Variants in MDH1B observed in about 807,000 individuals in gnomAD.
MDH1B encodes malate dehydrogenase 1B, also known as putative malate dehydrogenase 1B.
In MDH1B, 60 loss-of-function variants were observed where a neutral mutation model predicts 61.4. That is an observed-to-expected ratio of 0.98 (90% CI 0.79 to 1.21). MDH1B has a LOEUF of 1.21. MDH1B is among the 50% of genes most tolerant of loss of function. The probability of loss-of-function intolerance (pLI) is 0.00; values close to 1 mark genes in which losing one functional copy is unlikely to be tolerated. For missense variants in MDH1B, 587 were observed against 632.1 expected, an observed-to-expected ratio of 0.93 and a Z score of 0.76; for synonymous variants, 236 against 218.7, an observed-to-expected ratio of 1.08 and a Z score of -0.70.
At position 206,741,082 on chromosome 2, in the gene MDH1B, A is replaced by G; in HGVS notation, c.1431T>C (p.Asp477=). 4 of 1,613,022 alleles carry G rather than the reference A, an allele frequency of 2.5e-6. No individual in the cohort carries two copies. The highest frequency in any genetic ancestry group is 3.4e-6 in the Non-Finnish European group (4 of 1,179,384). The change falls in exon 10 of 12, where the codon GAT becomes GAC. Residue 477 remains aspartate, a synonymous_variant. Coordinates refer to ENST00000374412, the MANE Select transcript of MDH1B (RefSeq NM_001039845.3). ...CTGACATAGCTAGATTTTTTTCTTC[A>G]TCAGGGACCAGATCTTTATGTCCTG... ...YQSGHKDLVP[D]EEKNLAMSDA... is the part of the protein sequence containing the mutation.
At chr2:206,761,552 A>C (rs2105956733) in intron 1 of MDH1B, among the ~76,000 whole-genome samples, 1 of 152,322 alleles carries the variant, frequency 6.6e-6, no homozygotes, top group East Asian at 1.9e-4. Context: ...AGTCAAGTGC[A>C]GTTGGAGATA....
intron 5 of MDH1B, among the ~76,000 whole-genome samples, chr2:206,752,779 A>C (rs1334916235): frequency 7.7e-6 from 1 of 129,780 alleles, no homozygotes; most frequent in African/African-American, 3.1e-5. Flanking sequence ...CTTGGCATGA[A>C]TTTCCCCTCC....
In MDH1B at chr2:206,738,263, AT is replaced by A; in HGVS notation, c.*219del. 2.6e-6 allele frequency: 1 copy of A among 389,382 alleles called. No homozygotes were observed. The highest frequency in any genetic ancestry group is 4.6e-6 in the Non-Finnish European group (1 of 216,458). 24.1% of individuals were successfully genotyped at this position (389,382 alleles called of 1,614,324 possible). A position where few individuals can be genotyped will look rare whatever the true frequency, so the allele number is the denominator to read the frequency against. On this transcript the variant is annotated 3_prime_UTR_variant, in exon 12 of 12. Coordinates refer to ENST00000374412, the MANE Select transcript of MDH1B (RefSeq NM_001039845.3). ...TTGACACCAAAATAGTTCTAAGAAA[AT>A]GCAATTATTATGAAACAAACATGAG...
chr2:206,740,914 T>A, intron 10 of MDH1B, 140 bp downstream of exon 10: 1 of 1,170,000 alleles, frequency 8.5e-7, no homozygotes, highest in South Asian at 1.6e-5. Context: ...CATTTCAAAG[T>A]GTTTGTGAAG....
At chr2:206,763,923 C>G (rs1247301254) in intron 1 of MDH1B, among the ~76,000 whole-genome samples, 2 of 151,908 alleles carry the variant, frequency 1.3e-5, no homozygotes, top group Non-Finnish European at 2.9e-5. Context: ...CCTATAGAAC[C>G]CTGCCCTGTC....
chr2:206,749,096 A>G lies in MDH1B; in HGVS notation c.1140T>C (p.Ser380=). 1.2e-6 allele frequency: 2 copies of G among 1,614,086 alleles called. No homozygotes were observed. The highest frequency in any genetic ancestry group is 1.7e-6 in the Non-Finnish European group (2 of 1,179,926). The change falls in exon 7 of 12, where the codon AGT becomes AGC. Residue 380 remains serine (S), a synonymous_variant. Transcript: ENST00000374412. ...RQFGGILAAH[S]IATTLKYWYH... ...ACCAGTATTTCAGTGTAGTGGCTAT[A>G]CTGTGTGCAGCCAAAATGCCTCCAA...
chr2:206,753,868 C>T (rs7591658), intron 5 of MDH1B, among the ~76,000 whole-genome samples: 62,242 of 149,112 alleles, frequency 0.42, 13,517 homozygotes, highest in Non-Finnish European at 0.5. Context: ...CCCCAACCCC[C>T]CTCAACCCCA....
Position 206,759,634 on chromosome 2 carries a change from G to T in MDH1B, c.135+1267C>A, listed in dbSNP as rs11888576. On this transcript the variant is annotated intron_variant, in intron 2 of 11. Transcript: ENST00000374412. ...ACTTTTAAATAATAGTCATTCTGAC[G>T]GGTATGAGATGGAATCTTATTGTGG... is the stretch of plus-strand genomic sequence containing the variant. Among the ~76,000 whole-genome samples the T allele has an allele frequency of 5.9e-4, 89 of 152,090 alleles. 2 individuals are homozygous for T. In the East Asian group the frequency reaches 0.014, roughly 24 times the overall value.
Position 206,738,359 on chromosome 2 carries a change from T to G in MDH1B, c.*124A>C. ...GTCACAGTGATTTAATTGCCTTGCA[T>G]GGTATTATCTAAGACTGACATAAAT... On this transcript the variant is annotated 3_prime_UTR_variant, in exon 12 of 12. Coordinates refer to ENST00000374412, the MANE Select transcript of MDH1B (RefSeq NM_001039845.3). 1.6e-6 allele frequency: 1 copy of G among 638,774 alleles called. No individual in the cohort carries two copies. Among genetic ancestry groups the G allele is most frequent in the Non-Finnish European group, 2.5e-6 (1 of 402,262 alleles). 39.6% of individuals were successfully genotyped at this position (638,774 alleles called of 1,614,324 possible).
intron 2 of MDH1B, among the ~76,000 whole-genome samples, chr2:206,758,827 C>T (rs920625918): frequency 2.0e-5 from 3 of 151,838 alleles, no homozygotes; most frequent in African/African-American, 7.3e-5. Flanking sequence ...CTAGAAAGCC[C>T]GCCATTCAAC....
chr2:206,749,262 CTAAG>C, intron 6 of MDH1B, 79 bp from the exon 7 acceptor site: 1 of 1,211,866 alleles, frequency 8.3e-7, no homozygotes, highest in Non-Finnish European at 1.2e-6. Context: ...CTCAGTGGAA[CTAAG>C]TATCAGAAAC....
At chr2:206,759,149 G>A (rs911998098) in intron 2 of MDH1B, among the ~76,000 whole-genome samples, 8 of 151,954 alleles carry the variant, frequency 5.3e-5, no homozygotes, top group South Asian at 2.1e-4. Context: ...TCCACCCTCC[G>A]ATAGGCCCCA....
chr2:206,749,199 G>T lies in MDH1B; in HGVS notation c.1053-16C>A, dbSNP rs1410797849. Reference sequence around the variant, plus strand: ...TACCCACTCACTGTAAGGAGAGAAAGAAACAATTTTACAATGGAGAGAGGA... The same window carrying T: ...TACCCACTCACTGTAAGGAGAGAAATAAACAATTTTACAATGGAGAGAGGA... On this transcript the variant is annotated splice_polypyrimidine_tract_variant and intron_variant, in intron 6 of 11. Coordinates refer to ENST00000374412, the MANE Select transcript of MDH1B (RefSeq NM_001039845.3). 1.1e-5 allele frequency: 18 copies of T among 1,611,840 alleles called. No individual in the cohort carries two copies. Among genetic ancestry groups the T allele is most frequent in the Non-Finnish European group, 1.4e-5 (16 of 1,178,670 alleles).
In MDH1B at chr2:206,756,956, CT is replaced by C; in HGVS notation, c.354del (p.Glu119SerfsTer7). 2 of 1,614,146 alleles carry C rather than the reference CT, an allele frequency of 1.2e-6. 1 individual carries two copies. The highest frequency in any genetic ancestry group is 2.2e-5 in the South Asian group (2 of 91,080). On this transcript the variant is annotated frameshift_variant, in exon 4 of 12. Transcript: ENST00000374412. LOFTEE classifies it high-confidence loss of function. ...AQENLGAHIEKEQEEEALKTC... is the reference protein window; with the variant it reads ...AQENLGAHIEXEQEEEALKTC... ...GTTTTCAGGGCTTCTTCCTCCTGCT[CT>C]TTTTCTATATGTGCCCCCAGGTTCT...
chr2:206,746,304 T>C lies in MDH1B; in HGVS notation c.1339A>G (p.Thr447Ala), dbSNP rs761824988. ...EISEQIMTRMTSDLIQEKLVA... is the reference protein window; with the variant it reads ...EISEQIMTRMASDLIQEKLVA... ...GACATTACCTGAATTAGATCACTTG[T>C]CATTCGGGTCATTATTTGTTCACTT... Residue 447 changes from threonine (T) to alanine (A), a missense_variant, in exon 8 of 12, where the codon ACA (threonine) becomes GCA (alanine). Physicochemically the swap from Thr to Ala is moderately conservative, Grantham distance 58 (BLOSUM62 0). Transcript: ENST00000374412. 6.2e-7 allele frequency: 1 copy of C among 1,613,672 alleles called. No homozygotes were observed. Among genetic ancestry groups the C allele is most frequent in the Non-Finnish European group, 8.5e-7 (1 of 1,179,796 alleles).
chr2:206,749,066 A>G lies in MDH1B; in HGVS notation c.1170T>C (p.His390=), dbSNP rs1688285619. The part of the protein sequence containing the change: ...SIATTLKYWY[H]GSPPGEIVSL... Reference sequence around the variant, plus strand: ...ATACAATCTCCCCAGGTGGTGAGCCATGGTACCAGTATTTCAGTGTAGTGG... The same window carrying G: ...ATACAATCTCCCCAGGTGGTGAGCCGTGGTACCAGTATTTCAGTGTAGTGG... The change falls in exon 7 of 12, where the codon CAT becomes CAC. Residue 390 remains histidine, a synonymous_variant. Coordinates refer to ENST00000374412, the MANE Select transcript of MDH1B (RefSeq NM_001039845.3). 1.2e-6 allele frequency: 2 copies of G among 1,613,706 alleles called. No homozygotes were observed. The highest frequency in any genetic ancestry group is 1.6e-4 in the Middle Eastern group (1 of 6,062).
intron 9 of MDH1B, 161 bp from the exon 10 acceptor site, chr2:206,741,265 A>G (rs1183317240): frequency 1.4e-5 from 13 of 927,720 alleles, no homozygotes; most frequent in African/African-American, 3.4e-5. Flanking sequence ...ATTTGTGTAC[A>G]TATTAATGAA....
At chr2:206,740,154 G>T (rs1687729559) in intron 10 of MDH1B, among the ~76,000 whole-genome samples, 1 of 152,130 alleles carries the variant, frequency 6.6e-6, no homozygotes, top group Admixed American at 6.5e-5. Context: ...CAATGTGGAG[G>T]TTACGGACAC....
At chr2:206,747,660 C>G (rs894259056) in intron 7 of MDH1B, among the ~76,000 whole-genome samples, 8 of 152,166 alleles carry the variant, frequency 5.3e-5, no homozygotes, top group Non-Finnish European at 1.2e-4. Flanking sequence ...ACTAATCATA[C>G]TATCAAAAAC....
Sources: allele counts gnomAD v4.1 joint callset (sites outside exome capture counted in the v4.1 genomes callset), GRCh38; gene constraint gnomAD v4.1.1; transcripts MANE v1.5; gene names NCBI Gene and HGNC (gene_info 2026-07-23, HGNC 2026-07-21).